MEIS1: variants seen among roughly 807,000 people sequenced by gnomAD.
MEIS1 encodes homeobox protein Meis1.
A neutral mutation model predicts 50.8 loss-of-function variants in MEIS1; 5 were observed. The observed-to-expected ratio is 0.10, with a 90% CI of 0.05 to 0.21. MEIS1 has a LOEUF of 0.21. MEIS1 is among the 10% of genes least tolerant of loss of function. The probability of loss-of-function intolerance (pLI) is 1.00; values close to 1 mark genes in which losing one functional copy is unlikely to be tolerated. For synonymous variants in MEIS1, 176 were observed against 179.3 expected (o/e 0.98, Z 0.15); for missense variants, 318 against 517.3 (o/e 0.61, Z 3.74).
At chr2:66,567,750 C>T (rs1675386163) in intron 10 of MEIS1, 2 of 635,882 alleles carry the variant, frequency 3.1e-6, no homozygotes, top group African/African-American at 3.7e-5. Context: ...ATAATATGCT[C>T]AGTTACAATA....
chr2:66,527,949 G>A (rs1044063389), intron 8 of MEIS1, among the ~76,000 whole-genome samples: 2 of 152,108 alleles, frequency 1.3e-5, no homozygotes, highest in East Asian at 3.9e-4. Context: ...CATCCGGAAC[G>A]TTCTATGATG....
intron 7 of MEIS1, among the ~76,000 whole-genome samples, chr2:66,474,660 G>T (rs556058242): frequency 6.6e-6 from 1 of 152,102 alleles, no homozygotes; most frequent in African/African-American, 2.4e-5. Flanking sequence ...CAAGTGTCTG[G>T]CTTTGTGGAT....
At chr2:66,541,388 A>G (rs574908842) in intron 8 of MEIS1, among the ~76,000 whole-genome samples, 36 of 152,156 alleles carry the variant, frequency 2.4e-4, no homozygotes, top group Non-Finnish European at 4.0e-4. Flanking sequence ...TGTCTTTACT[A>G]CTGTGTATTA....
chr2:66,532,069 AG>A (rs1465544453), intron 8 of MEIS1, among the ~76,000 whole-genome samples: 1 of 151,914 alleles, frequency 6.6e-6, no homozygotes. Context: ...GGTAAAAGGG[AG>A]GTTCTGAGGT....
At chr2:66,495,116 GGAAAA>G (rs1237347738) in intron 7 of MEIS1, among the ~76,000 whole-genome samples, 2 of 122,094 alleles carry the variant, frequency 1.6e-5, no homozygotes, top group Admixed American at 9.3e-5. Flanking sequence ...TTTAAACTAA[GGAAAA>G]GAAGCAAGTC....
Position 66,464,170 on chromosome 2 carries a change from C to G in MEIS1, c.692C>G (p.Pro231Arg). ...ACTCGTTCAGGAGGAACCCCAGGCC[C>G]TTCCAGCGGTGGCCACACGTCACAC... Reference protein sequence around the residue: ...ASTRSGGTPGPSSGGHTSHSG... With the variant: ...ASTRSGGTPGRSSGGHTSHSG... The change falls in exon 7 of 13, where the codon CCT becomes CGT. Residue 231 changes from proline (P) to arginine (R), a missense_variant. Physicochemically the swap from Pro to Arg is moderately radical, Grantham distance 103. Transcript: ENST00000272369. 6.2e-7 allele frequency: 1 copy of G among 1,606,288 alleles called. No individual in the cohort carries two copies. The highest frequency in any genetic ancestry group is 8.5e-7 in the Non-Finnish European group (1 of 1,176,640).
At chr2:66,509,467 A>C (rs562597751) in intron 7 of MEIS1, among the ~76,000 whole-genome samples, 37 of 152,354 alleles carry the variant, frequency 2.4e-4, no homozygotes, top group African/African-American at 8.2e-4. Flanking sequence ...GCCTAAAAAC[A>C]GTAGGAAGAA....
intron 7 of MEIS1, among the ~76,000 whole-genome samples, chr2:66,502,732 C>G (rs1673586853): frequency 6.6e-6 from 1 of 152,074 alleles, no homozygotes; most frequent in African/African-American, 2.4e-5. Context: ...GGATACTATG[C>G]AGTGGAAAAA....
chr2:66,535,030 C>T (rs1237189081), intron 8 of MEIS1, among the ~76,000 whole-genome samples: 1 of 152,150 alleles, frequency 6.6e-6, no homozygotes, highest in Non-Finnish European at 1.5e-5. Context: ...CACATTTACA[C>T]GTTAAAACAG....
intron 9 of MEIS1, among the ~76,000 whole-genome samples, chr2:66,554,049 CAGG>C (rs1674990989): frequency 6.6e-6 from 1 of 152,168 alleles, no homozygotes; most frequent in Non-Finnish European, 1.5e-5. Flanking sequence ...CTGAGCTTCT[CAGG>C]AGGACAAGAC....
intron 7 of MEIS1, among the ~76,000 whole-genome samples, chr2:66,489,329 C>T (rs770369551): frequency 6.6e-6 from 1 of 152,176 alleles, no homozygotes; most frequent in East Asian, 1.9e-4. Context: ...ATAAATATCC[C>T]TCTTGGTACA....
chr2:66,455,053 T>C (rs1459029433), intron 6 of MEIS1, among the ~76,000 whole-genome samples: 1 of 152,164 alleles, frequency 6.6e-6, no homozygotes, highest in African/African-American at 2.4e-5. Context: ...TATAAGAATT[T>C]ATTTTTATTA....
At chr2:66,518,929 A>T (rs1674038837) in intron 8 of MEIS1, among the ~76,000 whole-genome samples, 1 of 152,174 alleles carries the variant, frequency 6.6e-6, no homozygotes, top group Admixed American at 6.5e-5. Context: ...AGTAGTAGTA[A>T]ATCTACATGT....
intron 9 of MEIS1, among the ~76,000 whole-genome samples, chr2:66,550,778 G>A (rs548701889): frequency 2.6e-5 from 4 of 152,200 alleles, no homozygotes; most frequent in South Asian, 4.2e-4. Context: ...GATTACAGGC[G>A]TGAGCTACTG....
Position 66,435,378 on chromosome 2 carries a change from C to G in MEIS1, c.-479C>G, listed in dbSNP as rs985942483. The G allele has an allele frequency of 1.0e-5, 2 of 198,836 alleles. No individual in the cohort carries two copies. Among genetic ancestry groups the G allele is most frequent in the African/African-American group, 4.6e-5 (2 of 43,626 alleles). 12.3% of individuals were successfully genotyped at this position (198,836 alleles called of 1,614,324 possible). ...GATTCAAGGGAAGCGAGCGCTAGGGCTTTGTGCATTTGAATATTAACATTT... is the reference window on the plus strand; with the variant it reads ...GATTCAAGGGAAGCGAGCGCTAGGGGTTTGTGCATTTGAATATTAACATTT... On this transcript the variant is annotated 5_prime_UTR_variant, in exon 1 of 13. Coordinates refer to ENST00000272369, the MANE Select transcript of MEIS1 (RefSeq NM_002398.3).
At position 66,442,383 on chromosome 2, in the gene MEIS1, A is replaced by G. The variant is rs368493195; in HGVS notation, c.484-519A>G. 1.3e-3 allele frequency among the ~76,000 whole-genome samples: 197 copies of G among 151,942 alleles called. 1 individual carries two copies. The highest frequency in any genetic ancestry group is 4.5e-3 in the African/African-American group (185 of 41,446). On this transcript the variant is annotated intron_variant, in intron 5 of 12. Transcript: ENST00000272369. Reference sequence around the variant, plus strand: ...TTCCTTCCATTTTTTTTTCAAAGAAAGTTTTCTAAAATATACCCCTTAGAG... The same window carrying G: ...TTCCTTCCATTTTTTTTTCAAAGAAGGTTTTCTAAAATATACCCCTTAGAG...
intron 6 of MEIS1, among the ~76,000 whole-genome samples, chr2:66,460,693 TC>T (rs1206742446): frequency 6.6e-6 from 1 of 152,196 alleles, no homozygotes; most frequent in East Asian, 1.9e-4. Context: ...CATTCAGTGA[TC>T]TTTCAGGTCT....
At chr2:66,441,512 C>G (rs1409670816) in intron 5 of MEIS1, 48 bp downstream of exon 5, 6 of 1,411,422 alleles carry the variant, frequency 4.3e-6, no homozygotes, top group Non-Finnish European at 5.7e-6. Flanking sequence ...TACCCCCAAA[C>G]ACACAGGGGG....
intron 9 of MEIS1, among the ~76,000 whole-genome samples, chr2:66,560,949 A>G (rs1039946515): frequency 6.6e-6 from 1 of 152,222 alleles, no homozygotes; most frequent in African/African-American, 2.4e-5. Flanking sequence ...ATGATTTCAT[A>G]AGGTTTGACT....
Sources: gnomAD v4.1 joint callset for allele counts (sites outside exome capture counted in the v4.1 genomes callset) on GRCh38, gnomAD v4.1.1 for gene constraint, MANE v1.5 for transcripts, NCBI Gene and HGNC (gene_info 2026-07-23, HGNC 2026-07-21) for gene names.